The following NEDD4L variants were observed in gnomAD, a reference collection of about 807,000 sequenced individuals.
The protein encoded by NEDD4L is E3 ubiquitin-protein ligase NEDD4-like.
NEDD4L carries 54 observed loss-of-function variants against 148.9 expected under a neutral mutation model. The observed-to-expected ratio is 0.36, with a 90% CI of 0.29 to 0.45. NEDD4L has a LOEUF of 0.45. Among genes scored for constraint, NEDD4L ranks in the 20% least tolerant of loss-of-function variants. The probability of loss-of-function intolerance (pLI) is 1.00; values close to 1 mark genes in which losing one functional copy is unlikely to be tolerated. For missense variants in NEDD4L, 856 were observed against 1,233.8 expected, an observed-to-expected ratio of 0.69 and a Z score of 4.59; for synonymous variants, 433 against 440.7, an observed-to-expected ratio of 0.98 and a Z score of 0.22.
chr18:58,252,325 C>T (rs1451677164), intron 5 of NEDD4L, among the ~76,000 whole-genome samples: 1 of 152,184 alleles, frequency 6.6e-6, no homozygotes, highest in Non-Finnish European at 1.5e-5. Context: ...CCCATATGCT[C>T]ATGCTCTAAT....
intron 1 of NEDD4L, among the ~76,000 whole-genome samples, chr18:58,062,670 A>G (rs1208606664): frequency 6.6e-6 from 1 of 152,158 alleles, no homozygotes; most frequent in Non-Finnish European, 1.5e-5. Context: ...GCATGAAAGT[A>G]CCAATAGAAA....
intron 5 of NEDD4L, among the ~76,000 whole-genome samples, chr18:58,291,226 A>G (rs923262147): frequency 6.6e-6 from 1 of 152,220 alleles, no homozygotes; most frequent in South Asian, 2.1e-4. Context: ...ACCGACCCAC[A>G]TGGTCACACA....
intron 5 of NEDD4L, among the ~76,000 whole-genome samples, chr18:58,262,537 G>C (rs1316219865): frequency 6.6e-6 from 1 of 152,044 alleles, no homozygotes; most frequent in Non-Finnish European, 1.5e-5. Flanking sequence ...GCTGAGGTGG[G>C]AGGATCTCTT....
chr18:58,168,528 G>A (rs902554062), intron 2 of NEDD4L, among the ~76,000 whole-genome samples: 3 of 152,178 alleles, frequency 2.0e-5, no homozygotes, highest in Admixed American at 6.5e-5. Flanking sequence ...CAGCTCTGTC[G>A]TGTTTTAAGG....
At chr18:58,347,214 G>GCC (rs1293604264) in intron 16 of NEDD4L, among the ~76,000 whole-genome samples, 9 of 34,040 alleles carry the variant, frequency 2.6e-4, no homozygotes, top group African/African-American at 1.1e-3. Context: ...GGCCCCCCCC[G>GCC]CCCCCCCCCC....
intron 17 of NEDD4L, among the ~76,000 whole-genome samples, chr18:58,350,115 G>C (rs1016896761): frequency 3.2e-4 from 48 of 152,248 alleles, no homozygotes; most frequent in African/African-American, 1.1e-3. Flanking sequence ...CTTAAAATTG[G>C]ATTTTGAATG....
rs1237093210 is a variant in NEDD4L at position 58,323,254 on chromosome 18, T to C, written c.433T>C (p.Phe145Leu). Residue 145 changes from phenylalanine (F) to leucine (L), a missense_variant, in exon 8 of 31, where the codon TTT (phenylalanine) becomes CTT (leucine). This residue lies in a region of NEDD4L where 193 missense variants were observed against 244.2 expected (regional missense o/e 0.79). Coordinates refer to ENST00000400345, the MANE Select transcript of NEDD4L (RefSeq NM_001144967.3). ...CAGTCATAAGTCTCGAGTTAAGGGA[T>C]TTTTGCGATTGAAAATGGCCTATAT... is the stretch of plus-strand genomic sequence containing the variant. Reference protein sequence around the residue: ...PRSHKSRVKGFLRLKMAYMPK... With the variant: ...PRSHKSRVKGLLRLKMAYMPK... 1 of 1,602,926 alleles carries C rather than the reference T, an allele frequency of 6.2e-7. No homozygotes were observed. The highest frequency in any genetic ancestry group is 8.5e-7 in the Non-Finnish European group (1 of 1,173,668).
chr18:58,244,196 C>T (rs1215527736), intron 2 of NEDD4L, among the ~76,000 whole-genome samples: 2 of 152,114 alleles, frequency 1.3e-5, no homozygotes, highest in Non-Finnish European at 2.9e-5. Flanking sequence ...ATAGTATAGC[C>T]ACTAACGGGC....
At position 58,339,342 on chromosome 18, in the gene NEDD4L, AG is replaced by A. The variant is rs770352194; in HGVS notation, c.1126-1692del. ...AACTTAGGTTACAACTTAGCTCAGC[AG>A]GGGAGTCCATTGAAGTGCCCGGATC... is the stretch of plus-strand genomic sequence containing the variant. On this transcript the variant is annotated intron_variant, in intron 13 of 30. Coordinates refer to ENST00000400345, the MANE Select transcript of NEDD4L (RefSeq NM_001144967.3). 5.5e-4 allele frequency among the ~76,000 whole-genome samples: 83 copies of A among 152,220 alleles called. 1 individual carries two copies. The highest frequency in any genetic ancestry group is 1.1e-3 in the Non-Finnish European group (75 of 68,042).
chr18:58,329,053 C>A lies in NEDD4L; in HGVS notation c.739C>A (p.Arg247=), dbSNP rs771932025. The stretch of plus-strand genomic sequence containing the variant: ...ACAGATCAACCAGGAGGCAGCACAC[C>A]GGCGCTTCCGCTCCCGCAGGCACAT... ...IRQINQEAAH[R]RFRSRRHISE... Residue 247 remains arginine, a synonymous_variant, in exon 10 of 31, where the codon CGG becomes AGG. Transcript: ENST00000400345. 1.2e-5 allele frequency: 20 copies of A among 1,613,888 alleles called. No individual in the cohort carries two copies. The Admixed American group carries it at 3.2e-4, about 26-fold the overall frequency.
intron 24 of NEDD4L, among the ~76,000 whole-genome samples, chr18:58,378,065 G>A (rs993956929): frequency 1.3e-5 from 2 of 152,180 alleles, no homozygotes; most frequent in African/African-American, 4.8e-5. Flanking sequence ...GTTTTGAAGA[G>A]CTGCCAGAAG....
intron 1 of NEDD4L, among the ~76,000 whole-genome samples, chr18:58,139,222 G>C (rs2146100459): frequency 6.6e-6 from 1 of 152,258 alleles, no homozygotes; most frequent in Admixed American, 6.5e-5. Flanking sequence ...GTCTAGGGCT[G>C]GACTTGGGAG....
chr18:58,059,165 C>T (rs749364764), intron 1 of NEDD4L, among the ~76,000 whole-genome samples: 1 of 152,166 alleles, frequency 6.6e-6, no homozygotes, highest in Non-Finnish European at 1.5e-5. Flanking sequence ...CTGGGCTCAG[C>T]GGTTTCTCCC....
At chr18:58,230,353 C>G (rs2044994857) in intron 2 of NEDD4L, among the ~76,000 whole-genome samples, 1 of 150,158 alleles carries the variant, frequency 6.7e-6, no homozygotes, top group African/African-American at 2.5e-5. Context: ...TCGAAAGTGG[C>G]TTATGATTTC....
At chr18:58,229,602 A>C (rs1436451019) in intron 2 of NEDD4L, among the ~76,000 whole-genome samples, 2 of 152,190 alleles carry the variant, frequency 1.3e-5, no homozygotes, top group African/African-American at 2.4e-5. Flanking sequence ...ATCACAATGA[A>C]TGTTTTCTCA....
At chr18:58,070,860 C>G (rs2082835919) in intron 1 of NEDD4L, among the ~76,000 whole-genome samples, 1 of 152,100 alleles carries the variant, frequency 6.6e-6, no homozygotes, top group African/African-American at 2.4e-5. Context: ...AACAAACAGA[C>G]TTTATAGAAT....
intron 1 of NEDD4L, among the ~76,000 whole-genome samples, chr18:58,113,449 G>T (rs1468259647): frequency 6.6e-6 from 1 of 152,192 alleles, no homozygotes; most frequent in Non-Finnish European, 1.5e-5. Flanking sequence ...CTTTCTCTTT[G>T]GTGGGGGTTG....
rs559858882 is a variant in NEDD4L at position 58,112,298 on chromosome 18, A to T, written c.49-53490A>T. Among the ~76,000 whole-genome samples the T allele has an allele frequency of 7.2e-5, 11 of 152,184 alleles. 1 individual carries two copies. Among genetic ancestry groups the T allele is most frequent in the African/African-American group, 2.2e-4 (9 of 41,518 alleles). The stretch of plus-strand genomic sequence containing the variant: ...AACTGAAATGCCAATCTTGTTTTAG[A>T]CCAAAAATTACATCCTATCTCTTCT... On this transcript the variant is annotated intron_variant, in intron 1 of 30. Transcript: ENST00000400345.
chr18:58,179,498 C>T (rs566098246), intron 2 of NEDD4L, among the ~76,000 whole-genome samples: 12 of 151,968 alleles, frequency 7.9e-5, no homozygotes, highest in Admixed American at 3.9e-4. Context: ...ACTCCTGTGG[C>T]GTGTTAGGAA....
Sources: allele counts gnomAD v4.1 joint callset (sites outside exome capture counted in the v4.1 genomes callset), GRCh38; gene constraint gnomAD v4.1.1; regional missense constraint gnomAD v4.1.1; transcripts MANE v1.5; gene names NCBI Gene and HGNC (gene_info 2026-07-23, HGNC 2026-07-21).